The following CCDC171 variants were observed in gnomAD, a reference collection of about 807,000 sequenced individuals.
The protein encoded by CCDC171 is coiled-coil domain-containing protein 171.
A neutral mutation model predicts 168.2 loss-of-function variants in CCDC171; 177 were observed. The ratio of observed to expected loss-of-function variants is 1.05; its 90% CI spans 0.93 to 1.19. The LOEUF (loss-of-function observed/expected upper bound fraction) is 1.19. Among genes scored for constraint, CCDC171 ranks in the 50% most tolerant of loss-of-function variants. The pLI, the probability that CCDC171 is intolerant of heterozygous loss-of-function variation, is 0.00. For synonymous variants in CCDC171, 687 were observed against 540.8 expected, an observed-to-expected ratio of 1.27 and a Z score of -3.75; for missense variants, 1,991 against 1,539.0, an observed-to-expected ratio of 1.29 and a Z score of -4.91.
intron 25 of CCDC171, among the ~76,000 whole-genome samples, chr9:15,962,347 G>T (rs529752753): frequency 6.6e-6 from 1 of 152,084 alleles, no homozygotes; most frequent in South Asian, 2.1e-4. Flanking sequence ...CTATGCTTCT[G>T]GTTGAATATG....
chr9:15,635,902 C>T (rs2046166603), intron 7 of CCDC171, among the ~76,000 whole-genome samples: 1 of 152,114 alleles, frequency 6.6e-6, no homozygotes, highest in African/African-American at 2.4e-5. Context: ...TACATTCCCA[C>T]CAGCAAGGTA....
At chr9:16,004,220 A>G (rs550300723) in intron 3 of CCDC171, among the ~76,000 whole-genome samples, 4 of 152,320 alleles carry the variant, frequency 2.6e-5, no homozygotes, top group African/African-American at 7.2e-5. Flanking sequence ...ACACAAGCCA[A>G]TAGTGAAGGC....
At chr9:15,682,495 C>A (rs988848581) in intron 10 of CCDC171, among the ~76,000 whole-genome samples, 2 of 151,796 alleles carry the variant, frequency 1.3e-5, no homozygotes, top group Middle Eastern at 3.4e-3. Flanking sequence ...TGTATTAATA[C>A]ATATTTATAT....
chr9:15,645,437 A>G (rs2046962994), intron 7 of CCDC171, among the ~76,000 whole-genome samples: 1 of 152,090 alleles, frequency 6.6e-6, no homozygotes. Flanking sequence ...ATCGGTAATA[A>G]CAAACTGCTC....
chr9:15,622,312 A>T lies in CCDC171; in HGVS notation c.676-955A>T, dbSNP rs547526628. 2.6e-5 allele frequency among the ~76,000 whole-genome samples: 4 copies of T among 152,350 alleles called. No homozygotes were observed. In the East Asian group the frequency reaches 5.8e-4, roughly 22 times the overall value. Reference sequence around the variant, plus strand: ...AAAAAAATAGAAATAAGAAATTGGAAATATGAAATAAAAGTTGAATTTAAA... The same window carrying T: ...AAAAAAATAGAAATAAGAAATTGGATATATGAAATAAAAGTTGAATTTAAA... On this transcript the variant is annotated intron_variant, in intron 6 of 25. Transcript: ENST00000380701.
chr9:16,028,640 C>T (rs555333023), intron 6 of CCDC171, among the ~76,000 whole-genome samples: 5 of 152,208 alleles, frequency 3.3e-5, no homozygotes, highest in Non-Finnish European at 7.3e-5. Context: ...GCAGCTCTAG[C>T]TCCTGGTGTG....
At chr9:15,683,881 T>C (rs1000086921) in intron 10 of CCDC171, among the ~76,000 whole-genome samples, 2 of 151,984 alleles carry the variant, frequency 1.3e-5, no homozygotes, top group African/African-American at 4.8e-5. Context: ...TACTGAAAAA[T>C]AAACTGATTG....
intron 21 of CCDC171, among the ~76,000 whole-genome samples, chr9:15,806,237 A>G (rs1201487580): frequency 3.3e-5 from 5 of 152,098 alleles, no homozygotes; most frequent in African/African-American, 4.8e-5. Flanking sequence ...ATTTACACTT[A>G]AGGTTAGTAT....
At chr9:15,610,253 C>T (rs1007319922) in intron 6 of CCDC171, among the ~76,000 whole-genome samples, 1 of 149,846 alleles carries the variant, frequency 6.7e-6, no homozygotes, top group African/African-American at 2.5e-5. Flanking sequence ...GAGACTGGAT[C>T]TTGCTCTGCT....
At chr9:15,875,790 T>G (rs1588955249) in intron 24 of CCDC171, 1 of 152,172 alleles carries the variant, frequency 6.6e-6, no homozygotes, top group East Asian at 1.9e-4. Context: ...ACTCATTGCT[T>G]CTTTCATTAG....
intron 3 of CCDC171, among the ~76,000 whole-genome samples, chr9:15,985,800 T>A (rs1831967298): frequency 6.6e-6 from 1 of 152,154 alleles, no homozygotes; most frequent in African/African-American, 2.4e-5. Flanking sequence ...ATAGAAAAAA[T>A]GAATATGAGT....
chr9:15,971,943 A>G lies in CCDC171; in HGVS notation c.*107A>G. The G allele has an allele frequency of 1.1e-6, 1 of 950,822 alleles. No homozygotes were observed. The highest frequency in any genetic ancestry group is 1.6e-6 in the Non-Finnish European group (1 of 622,562). 58.9% of individuals were successfully genotyped at this position (950,822 alleles called of 1,614,324 possible). The stretch of plus-strand genomic sequence containing the variant: ...TTTGTTTCAGCAGAAGTGGCAGTGG[A>G]TTTAAAAAATTTGTGCGCTATCTTG... On this transcript the variant is annotated 3_prime_UTR_variant, in exon 26 of 26. Transcript: ENST00000380701.
chr9:15,935,829 A>G (rs1166758363), intron 25 of CCDC171, among the ~76,000 whole-genome samples: 3 of 152,234 alleles, frequency 2.0e-5, no homozygotes, highest in Middle Eastern at 3.4e-3. Flanking sequence ...AATGTTGCCT[A>G]TAAGGCAAAA....
At chr9:15,638,610 A>G (rs2046370744) in intron 7 of CCDC171, among the ~76,000 whole-genome samples, 1 of 152,070 alleles carries the variant, frequency 6.6e-6, no homozygotes, top group African/African-American at 2.4e-5. Flanking sequence ...GCTTTTTAAC[A>G]GTTGCATTTC....
At chr9:15,878,601 C>T (rs943945739) in intron 24 of CCDC171, among the ~76,000 whole-genome samples, 5 of 152,098 alleles carry the variant, frequency 3.3e-5, no homozygotes, top group Non-Finnish European at 7.4e-5. Flanking sequence ...ACAGAACTAC[C>T]ATTTGACCTA....
rs769532441 is a variant in CCDC171 at position 15,578,916 on chromosome 9, A to G, written c.245A>G (p.Gln82Arg). The G allele has an allele frequency of 1.9e-6, 3 of 1,614,056 alleles. No homozygotes were observed. Among genetic ancestry groups the G allele is most frequent in the South Asian group, 1.1e-5 (1 of 91,068 alleles). The stretch of plus-strand genomic sequence containing the variant: ...GTTGAAAAGGGAGAAGCATTGCGAC[A>G]AAGTCTGGAATATGACCTAGCTGTT... ...SEVEKGEALRQSLEYDLAVAR... is the reference protein window; with the variant it reads ...SEVEKGEALRRSLEYDLAVAR... Residue 82 changes from glutamine to arginine, a missense_variant, in exon 4 of 26, where the codon CAA becomes CGA. Transcript: ENST00000380701.
intron 21 of CCDC171, among the ~76,000 whole-genome samples, chr9:15,839,266 T>G (rs1187935236): frequency 1.3e-5 from 2 of 152,160 alleles, no homozygotes; most frequent in African/African-American, 4.8e-5. Context: ...AAGTAACCAT[T>G]TAAATATATT....
Position 15,817,440 on chromosome 9 carries a change from C to T in CCDC171, c.3268-29262C>T, listed in dbSNP as rs866215846. On this transcript the variant is annotated intron_variant, in intron 21 of 25. Transcript: ENST00000380701. ...CACAAGGGGTCAGGGAATTCCCTTT[C>T]CTAGTCAAAGAAAGGAGTGACAGAG... is the stretch of plus-strand genomic sequence containing the variant. Among the ~76,000 whole-genome samples, 4 of 118,032 alleles carry T rather than the reference C, an allele frequency of 3.4e-5. 2 individuals are homozygous for T. The highest frequency in any genetic ancestry group is 6.4e-5 in the African/African-American group (2 of 31,468). 77.4% of individuals were successfully genotyped at this position (118,032 alleles called of 152,430 possible).
chr9:16,038,342 A>G (rs1037111359), upstream of CCDC171, among the ~76,000 whole-genome samples: 1 of 152,136 alleles, frequency 6.6e-6, no homozygotes, highest in Non-Finnish European at 1.5e-5. Flanking sequence ...TTAAACAAGC[A>G]TTGTCTGTAG....
Sources: allele counts gnomAD v4.1 joint callset (sites outside exome capture counted in the v4.1 genomes callset), GRCh38; gene constraint gnomAD v4.1.1; transcripts MANE v1.5; gene names NCBI Gene and HGNC (gene_info 2026-07-23, HGNC 2026-07-21).